The following CALHM4 variants were observed in gnomAD, a reference collection of about 807,000 sequenced individuals.
CALHM4 encodes the protein calcium homeostasis modulator protein 4.
CALHM4 carries 16 observed loss-of-function variants against 13.3 expected under a neutral mutation model. The ratio of observed to expected loss-of-function variants is 1.20; its 90% CI spans 0.81 to 1.82. CALHM4 has a LOEUF of 1.82. Ranked by LOEUF, CALHM4 falls within the 40% of genes most tolerant of loss-of-function variation. CALHM4 has a pLI of 0.00. For missense variants in CALHM4, 344 were observed against 374.9 expected (o/e 0.92, Z 0.68); for synonymous variants, 127 against 137.1 (o/e 0.93, Z 0.52).
upstream of CALHM4, among the ~76,000 whole-genome samples, chr6:116,551,071 C>T (rs1158070308): frequency 1.3e-5 from 2 of 152,300 alleles, no homozygotes; most frequent in Admixed American, 1.3e-4. Context: ...TTTTCCCTGC[C>T]CTGCCTTGCC....
chr6:116,545,657 G>T, intron 2 of CALHM4: 1 of 590,654 alleles, frequency 1.7e-6, no homozygotes, highest in Non-Finnish European at 2.8e-6. Flanking sequence ...GCACTCTGCT[G>T]CTTTTGCTCT....
chr6:116,545,191 C>A (rs922935569), intron 2 of CALHM4, among the ~76,000 whole-genome samples: 1 of 151,128 alleles, frequency 6.6e-6, no homozygotes, highest in Admixed American at 6.6e-5. Context: ...GAAAAAATTG[C>A]TAATATTTTC....
rs1774458365 is a variant in CALHM4, at chr6:116,558,754, C to G, written c.*543C>G. 1 of 152,464 alleles carries G rather than the reference C, an allele frequency of 6.6e-6. No individual in the cohort carries two copies. Among genetic ancestry groups the G allele is most frequent in the Middle Eastern group, 3.4e-3 (1 of 294 alleles). 9.4% of individuals were successfully genotyped at this position (152,464 alleles called of 1,614,324 possible). ...CACAGCCTCCCCCTCTTTCTTCAGA[C>G]CTAAATATCTGACCTTTTGGGAAGC... On this transcript the variant is annotated 3_prime_UTR_variant, in exon 2 of 2. Transcript: ENST00000368596.
intron 1 of CALHM4, among the ~76,000 whole-genome samples, chr6:116,530,484 T>C (rs902019817): frequency 1.1e-4 from 16 of 152,188 alleles, no homozygotes; most frequent in Non-Finnish European, 1.8e-4. Flanking sequence ...GGTTCCTTTA[T>C]AAGAAGTTCA....
intron 1 of CALHM4, among the ~76,000 whole-genome samples, chr6:116,556,231 G>T (rs1159757295): frequency 6.6e-6 from 1 of 152,118 alleles, no homozygotes; most frequent in African/African-American, 2.4e-5. Context: ...ATTCCATTGT[G>T]CTTCCTCGGG....
At chr6:116,548,065 T>A (rs1054998251) in intron 2 of CALHM4, among the ~76,000 whole-genome samples, 5 of 152,218 alleles carry the variant, frequency 3.3e-5, no homozygotes, top group African/African-American at 1.2e-4. Flanking sequence ...CCCTAAAATT[T>A]ATGTGTTTAA....
At chr6:116,532,331 G>T (rs1356075842) in intron 1 of CALHM4, among the ~76,000 whole-genome samples, 1 of 152,168 alleles carries the variant, frequency 6.6e-6, no homozygotes, top group Non-Finnish European at 1.5e-5. Flanking sequence ...GAACTCCTGG[G>T]CTCAAGCTAT....
At chr6:116,539,407 T>C (rs1210485587) in intron 1 of CALHM4, among the ~76,000 whole-genome samples, 1 of 152,182 alleles carries the variant, frequency 6.6e-6, no homozygotes, top group Non-Finnish European at 1.5e-5. Context: ...ATAATATGAG[T>C]AAATGGAAAA....
Position 116,554,033 on chromosome 6 carries a change from A to G in CALHM4, c.240A>G (p.Glu80=). The part of the protein sequence containing the change: ...LRSQMWTITG[E]YCCSCAPPYR... ...GCCAAATGTGGACAATTACCGGTGA[A>G]TACTGCTGCAGCTGTGCCCCTCCAT... Residue 80 remains glutamate (E), a synonymous_variant, in exon 1 of 2, where the codon GAA becomes GAG. Transcript: ENST00000368596. 1 of 1,550,628 alleles carries G rather than the reference A, an allele frequency of 6.4e-7. No homozygotes were observed. The highest frequency in any genetic ancestry group is 8.7e-7 in the Non-Finnish European group (1 of 1,147,008).
chr6:116,536,456 C>T (rs189492996), intron 1 of CALHM4, among the ~76,000 whole-genome samples: 1 of 152,326 alleles, frequency 6.6e-6, no homozygotes, highest in East Asian at 1.9e-4. Context: ...CCTGAAGTTA[C>T]ACAGTCCTTC....
intron 1 of CALHM4, among the ~76,000 whole-genome samples, chr6:116,529,961 G>T (rs551982805): frequency 6.6e-6 from 1 of 152,168 alleles, no homozygotes; most frequent in South Asian, 2.1e-4. Context: ...CCTAGTAAAA[G>T]AAAGAACATT....
intron 1 of CALHM4, chr6:116,540,542 T>C: frequency 7.3e-7 from 1 of 1,375,690 alleles, no homozygotes; most frequent in Non-Finnish European, 1.0e-6. Context: ...GCGATTTGTG[T>C]GTTTAGCACT....
intron 2 of CALHM4, chr6:116,545,732 C>T (rs1262105659): frequency 2.8e-6 from 1 of 363,456 alleles, no homozygotes; most frequent in East Asian, 4.1e-5. Flanking sequence ...CGTAACTTGC[C>T]ATGGATCAAA....
At chr6:116,537,405 T>A (rs1478642051) in intron 1 of CALHM4, among the ~76,000 whole-genome samples, 1 of 152,212 alleles carries the variant, frequency 6.6e-6, no homozygotes, top group Non-Finnish European at 1.5e-5. Flanking sequence ...CAAATTTCGT[T>A]AGAATCTTCT....
At chr6:116,549,220 G>C (rs1773940450), upstream of CALHM4, among the ~76,000 whole-genome samples, 1 of 152,206 alleles carries the variant, frequency 6.6e-6, no homozygotes, top group African/African-American at 2.4e-5. Flanking sequence ...CTGGGAGGTG[G>C]AGGTTGCAGT....
intron 1 of CALHM4, among the ~76,000 whole-genome samples, chr6:116,543,134 A>G (rs1199503265): frequency 1.3e-5 from 2 of 152,138 alleles, no homozygotes; most frequent in African/African-American, 4.8e-5. Context: ...ATCTTATTCT[A>G]TCAACCCAAA....
At chr6:116,555,548 C>G (rs1242309955) in intron 1 of CALHM4, among the ~76,000 whole-genome samples, 1 of 82,832 alleles carries the variant, frequency 1.2e-5, no homozygotes. Context: ...TATTTCATAT[C>G]TTAATTTAGT....
At chr6:116,549,874 G>A (rs1271911950), upstream of CALHM4, among the ~76,000 whole-genome samples, 1 of 150,352 alleles carries the variant, frequency 6.7e-6, no homozygotes, top group African/African-American at 2.4e-5. Context: ...TACTCGGTAG[G>A]CTGAGGCAGG....
At chr6:116,545,328 A>G in intron 2 of CALHM4, 1 of 575,582 alleles carries the variant, frequency 1.7e-6, no homozygotes, top group Non-Finnish European at 3.0e-6. Context: ...TTATTCCTAG[A>G]TGTGTCATTT....
Sources: gnomAD v4.1 joint callset for allele counts (sites outside exome capture counted in the v4.1 genomes callset) on GRCh38, gnomAD v4.1.1 for gene constraint, MANE v1.5 for transcripts, NCBI Gene and HGNC (gene_info 2026-07-23, HGNC 2026-07-21) for gene names.